Variants in VEGFC observed in about 807,000 individuals in gnomAD.
VEGFC encodes the protein FLT4 ligand DHM.
A neutral mutation model predicts 46.1 loss-of-function variants in VEGFC; 12 were observed. The ratio of observed to expected loss-of-function variants is 0.26; its 90% CI spans 0.17 to 0.42. VEGFC has a LOEUF of 0.42. VEGFC is among the 10% of genes least tolerant of loss of function. VEGFC has a pLI of 1.00. For missense variants in VEGFC, 488 were observed against 529.4 expected (o/e 0.92, Z 0.77); for synonymous variants, 232 against 195.5 (o/e 1.19, Z -1.56).
chr4:176,742,792 C>A (rs1735197795), intron 1 of VEGFC, among the ~76,000 whole-genome samples: 1 of 151,932 alleles, frequency 6.6e-6, no homozygotes, highest in African/African-American at 2.4e-5. Flanking sequence ...TAATTTTATT[C>A]AAATTCCCCC....
intron 1 of VEGFC, among the ~76,000 whole-genome samples, chr4:176,785,945 A>G (rs1449162878): frequency 6.6e-6 from 1 of 151,810 alleles, no homozygotes; most frequent in African/African-American, 2.4e-5. Flanking sequence ...TTGTAAATGT[A>G]TCCAGATAGC....
chr4:176,738,075 A>T (rs989139433), intron 1 of VEGFC, among the ~76,000 whole-genome samples: 1 of 152,072 alleles, frequency 6.6e-6, no homozygotes, highest in African/African-American at 2.4e-5. Flanking sequence ...ATGGAAAAGC[A>T]TTTCATGCTC....
In VEGFC at chr4:176,687,848, A is replaced by G; in HGVS notation, c.784T>C (p.Phe262Leu). Residue 262 changes from phenylalanine (F) to leucine (L), a missense_variant, in exon 5 of 7, where the codon TTT becomes CTT. By Grantham distance (22) the Phe-to-Leu change is conservative. Transcript: ENST00000618562. ...TCTCCAGCATCCGAGGAAAACATAA[A>G]ATCTTCCTGAGCCAGGCATCTGCAG... ...HICRCLAQED[F>L]MFSSDAGDDS... is the part of the protein sequence containing the mutation. The G allele has an allele frequency of 1.2e-6, 2 of 1,613,372 alleles. No homozygotes were observed. Among genetic ancestry groups the G allele is most frequent in the Non-Finnish European group, 1.7e-6 (2 of 1,179,714 alleles).
chr4:176,759,968 T>C (rs1735500827), intron 1 of VEGFC, among the ~76,000 whole-genome samples: 2 of 151,936 alleles, frequency 1.3e-5, no homozygotes, highest in African/African-American at 4.8e-5. Context: ...AGAAAATATG[T>C]AAAGAAATAA....
At position 176,711,535 on chromosome 4, in the gene VEGFC, G is replaced by A; in HGVS notation, c.668C>T (p.Ser223Phe). ...SKLDVYRQVH[S>F]IIRRSLPATL... ...TGCTGGCAGGGAACGTCTAATAATG[G>A]AATGAACTTGTCTGTAAACATCCAG... The change falls in exon 4 of 7, where the codon TCC becomes TTC. Residue 223 changes from serine (S) to phenylalanine (F), a missense_variant. Coordinates refer to ENST00000618562, the MANE Select transcript of VEGFC (RefSeq NM_005429.5). 1 of 1,613,250 alleles carries A rather than the reference G, an allele frequency of 6.2e-7. No homozygotes were observed. The highest frequency in any genetic ancestry group is 1.7e-5 in the Admixed American group (1 of 59,950).
intron 1 of VEGFC, among the ~76,000 whole-genome samples, chr4:176,736,976 T>A (rs553881202): frequency 1.3e-5 from 2 of 151,190 alleles, no homozygotes; most frequent in African/African-American, 4.8e-5. Context: ...CAACAAATGA[T>A]AACTAATGTT....
chr4:176,711,360 A>C, intron 4 of VEGFC, 139 bp downstream of exon 4: 1 of 1,016,736 alleles, frequency 9.8e-7, no homozygotes, highest in Non-Finnish European at 1.3e-6. Flanking sequence ...TACTATACAA[A>C]ATTTTGTCTT....
At chr4:176,786,107 T>C (rs1483010203) in intron 1 of VEGFC, among the ~76,000 whole-genome samples, 1 of 152,160 alleles carries the variant, frequency 6.6e-6, no homozygotes, top group Non-Finnish European at 1.5e-5. Flanking sequence ...AACCCTGCAG[T>C]TGAAAATGGC....
At chr4:176,766,360 AG>A (rs1479365448) in intron 1 of VEGFC, among the ~76,000 whole-genome samples, 2 of 152,124 alleles carry the variant, frequency 1.3e-5, no homozygotes, top group African/African-American at 4.8e-5. Flanking sequence ...CTGATGCAGG[AG>A]GATCAATTGA....
intron 3 of VEGFC, among the ~76,000 whole-genome samples, chr4:176,727,388 T>A (rs1734888687): frequency 6.6e-6 from 1 of 152,224 alleles, no homozygotes; most frequent in Non-Finnish European, 1.5e-5. Flanking sequence ...GAATACTGTT[T>A]GCACTGTTAT....
At chr4:176,717,049 T>C (rs908428859) in intron 3 of VEGFC, among the ~76,000 whole-genome samples, 3 of 152,192 alleles carry the variant, frequency 2.0e-5, no homozygotes, top group Admixed American at 6.5e-5. Context: ...GTATCTATTA[T>C]AATTTGATAT....
intron 1 of VEGFC, among the ~76,000 whole-genome samples, chr4:176,733,902 C>G (rs1214749849): frequency 6.6e-6 from 1 of 151,774 alleles, no homozygotes; most frequent in Non-Finnish European, 1.5e-5. Flanking sequence ...GATTTCTCAG[C>G]AATCTAAAGA....
rs545808781 is a variant in VEGFC at position 176,782,445 on chromosome 4, T to C, written c.147+9720A>G. 4.1e-5 allele frequency among the ~76,000 whole-genome samples: 6 copies of C among 146,614 alleles called. No individual in the cohort carries two copies. The South Asian group carries it at 1.3e-3, about 32-fold the overall frequency. ...TGCCACTGCACTGCAGCCTGGGAAATAGAGTGAGGCCTGTCTCAAATTAAA... is the reference window on the plus strand; with the variant it reads ...TGCCACTGCACTGCAGCCTGGGAAACAGAGTGAGGCCTGTCTCAAATTAAA... On this transcript the variant is annotated intron_variant, in intron 1 of 6. Transcript: ENST00000618562.
chr4:176,791,958 G>A (rs763936895), intron 1 of VEGFC, among the ~76,000 whole-genome samples: 160 of 152,246 alleles, frequency 1.1e-3, no homozygotes, highest in Non-Finnish European at 1.9e-3. Context: ...CCCTTCACTC[G>A]TGTAACTTGC....
chr4:176,733,087 G>A (rs1734995327), intron 1 of VEGFC, among the ~76,000 whole-genome samples: 1 of 151,892 alleles, frequency 6.6e-6, no homozygotes. Context: ...ACACCCATTA[G>A]AGTGGATAAA....
At chr4:176,736,458 C>G (rs2111025724) in intron 1 of VEGFC, among the ~76,000 whole-genome samples, 1 of 86,778 alleles carries the variant, frequency 1.2e-5, no homozygotes, top group Non-Finnish European at 3.0e-5. Context: ...TCTCACTGTG[C>G]CTCAATTAGT....
intron 3 of VEGFC, among the ~76,000 whole-genome samples, chr4:176,717,648 C>A (rs1734719840): frequency 6.6e-6 from 1 of 152,028 alleles, no homozygotes; most frequent in South Asian, 2.1e-4. Flanking sequence ...TCCTTTAAAA[C>A]ACCATTATAT....
intron 1 of VEGFC, among the ~76,000 whole-genome samples, chr4:176,762,648 T>C (rs926038809): frequency 1.6e-4 from 24 of 152,232 alleles, no homozygotes; most frequent in African/African-American, 5.8e-4. Context: ...ATCTATCTAT[T>C]TATCTACATA....
intron 4 of VEGFC, among the ~76,000 whole-genome samples, chr4:176,704,327 T>C (rs1734485676): frequency 6.6e-6 from 1 of 152,174 alleles, no homozygotes; most frequent in African/African-American, 2.4e-5. Flanking sequence ...AGGTCATCTC[T>C]TCCAATTACT....
Sources: gnomAD v4.1 joint callset for allele counts (sites outside exome capture counted in the v4.1 genomes callset) on GRCh38, gnomAD v4.1.1 for gene constraint, MANE v1.5 for transcripts, NCBI Gene and HGNC (gene_info 2026-07-23, HGNC 2026-07-21) for gene names.